Variants in ABI3BP observed in about 807,000 individuals in gnomAD.
ABI3BP encodes target of Nesh-SH3.
Under a neutral mutation model 268.6 loss-of-function variants are expected in ABI3BP, and 216 were observed. That is an observed-to-expected ratio of 0.80 (90% CI 0.72 to 0.90). The LOEUF (loss-of-function observed/expected upper bound fraction) is 0.90, where lower values mean the gene tolerates loss of function less well. Among genes scored for constraint, ABI3BP ranks in the 40% least tolerant of loss-of-function variants. ABI3BP has a pLI of 0.00. For missense variants in ABI3BP, 2,090 were observed against 2,182.4 expected (o/e 0.96, Z 0.84); for synonymous variants, 730 against 730.0 (o/e 1.00, Z 0.00).
chr3:100,919,577 G>A (rs2059639882), intron 2 of ABI3BP, among the ~76,000 whole-genome samples: 1 of 152,082 alleles, frequency 6.6e-6, no homozygotes, highest in Non-Finnish European at 1.5e-5. Flanking sequence ...AATCAACTTT[G>A]CTTTTAAATT....
At chr3:100,903,948 G>A (rs916518049) in intron 2 of ABI3BP, among the ~76,000 whole-genome samples, 6 of 152,142 alleles carry the variant, frequency 3.9e-5, no homozygotes, top group African/African-American at 1.2e-4. Flanking sequence ...TTCCAGTCTC[G>A]TGTGTTTGAA....
In ABI3BP at chr3:100,804,329, A is replaced by T. The variant is rs2097633539; in HGVS notation, c.3757+463T>A. On this transcript the variant is annotated intron_variant, in intron 51 of 67. Transcript: ENST00000471714. ...CTTAACCCAAGATATGTCTCCATCA[A>T]TTTGTAAAATAGAATAGTGACAGGG... is the stretch of plus-strand genomic sequence containing the variant. 1.3e-5 allele frequency among the ~76,000 whole-genome samples: 2 copies of T among 152,176 alleles called. 1 individual carries two copies. The highest frequency in any genetic ancestry group is 4.1e-4 in the South Asian group (2 of 4,824).
chr3:100,850,557 G>T, intron 16 of ABI3BP, 103 bp downstream of exon 16: 1 of 823,738 alleles, frequency 1.2e-6, no homozygotes, highest in South Asian at 1.6e-5. Context: ...ATAGATAAAT[G>T]ATTAGATGTG....
At chr3:100,866,457 G>T (rs2099051764) in intron 10 of ABI3BP, among the ~76,000 whole-genome samples, 1 of 152,134 alleles carries the variant, frequency 6.6e-6, no homozygotes, top group African/African-American at 2.4e-5. Context: ...GTTTCTAAAT[G>T]ATTCCAGGGT....
At chr3:100,874,148 C>T (rs910968189) in intron 9 of ABI3BP, among the ~76,000 whole-genome samples, 14 of 152,138 alleles carry the variant, frequency 9.2e-5, no homozygotes, top group African/African-American at 3.4e-4. Flanking sequence ...TTCTCAGGCC[C>T]CATACCGGAC....
intron 52 of ABI3BP, 24 bp downstream of exon 52, chr3:100,796,385 A>G: frequency 1.9e-6 from 3 of 1,547,904 alleles, no homozygotes; most frequent in Non-Finnish European, 1.7e-6. Context: ...CTTCTTAGCC[A>G]GAAGGATGAA....
intron 28 of ABI3BP, among the ~76,000 whole-genome samples, 178 bp downstream of exon 28, chr3:100,835,423 A>C (rs570079899): frequency 1.3e-5 from 2 of 152,230 alleles, no homozygotes; most frequent in Non-Finnish European, 2.9e-5. Context: ...GTATGGGCTT[A>C]TAACCAAGTA....
Position 100,993,396 on chromosome 3 carries a change from C to T in ABI3BP, c.-12G>A. ...AAACTGGAGAGCATGTTGCATTTGC[C>T]ACCTCGCATGGGGAATGATGCTGGT... On this transcript the variant is annotated 5_prime_UTR_variant, in exon 1 of 68. Transcript: ENST00000471714. 6.4e-7 allele frequency: 1 copy of T among 1,551,864 alleles called. No individual in the cohort carries two copies. Among genetic ancestry groups the T allele is most frequent in the East Asian group, 2.4e-5 (1 of 40,950 alleles).
chr3:100,778,653 C>A, intron 58 of ABI3BP: 1 of 328,194 alleles, frequency 3.0e-6, no homozygotes, highest in Non-Finnish European at 5.4e-6. Context: ...TCTGTGGGTT[C>A]CCCATCAGTT....
intron 1 of ABI3BP, among the ~76,000 whole-genome samples, chr3:100,940,786 CTATATATATATATA>C (rs1167503911): frequency 0.052 from 532 of 10,148 alleles, 74 homozygotes; most frequent in Non-Finnish European, 0.073. Flanking sequence ...AATTACTTCA[CTATATATATATATA>C]TATATATATA....
At chr3:100,828,263 A>G in intron 34 of ABI3BP, 130 bp downstream of exon 34, 1 of 741,022 alleles carries the variant, frequency 1.3e-6, no homozygotes, top group South Asian at 1.8e-5. Context: ...TCTTATGAGC[A>G]AGAGGCAACT....
chr3:100,837,123 C>T lies in ABI3BP; in HGVS notation c.2131+1G>A, dbSNP rs748164075. 6.5e-7 allele frequency: 1 copy of T among 1,533,544 alleles called. No individual in the cohort carries two copies. Among genetic ancestry groups the T allele is most frequent in the South Asian group, 1.2e-5 (1 of 83,624 alleles). 95.0% of individuals were successfully genotyped at this position (1,533,544 alleles called of 1,614,324 possible). On this transcript the variant is annotated splice_donor_variant, in intron 27 of 67. Coordinates refer to ENST00000471714, the MANE Select transcript of ABI3BP (RefSeq NM_001375547.2). LOFTEE classifies it high-confidence loss of function. ...GCCAAGAAGGAAGAAAGCATCATTACCTATGGTCATTGAGGGAGCTTCAGT... is the reference window on the plus strand; with the variant it reads ...GCCAAGAAGGAAGAAAGCATCATTATCTATGGTCATTGAGGGAGCTTCAGT...
At chr3:100,755,609 C>A (rs1284649943) in intron 63 of ABI3BP, among the ~76,000 whole-genome samples, 1 of 152,172 alleles carries the variant, frequency 6.6e-6, no homozygotes, top group Non-Finnish European at 1.5e-5. Flanking sequence ...TTGATTGTAT[C>A]CTTAAGAATT....
At chr3:100,956,244 C>T (rs1383320426) in intron 1 of ABI3BP, among the ~76,000 whole-genome samples, 1 of 147,254 alleles carries the variant, frequency 6.8e-6, no homozygotes, top group Non-Finnish European at 1.5e-5. Flanking sequence ...CACACACACA[C>T]ACACACACAC....
intron 1 of ABI3BP, among the ~76,000 whole-genome samples, chr3:100,959,996 TA>T (rs2078424545): frequency 6.6e-6 from 1 of 152,202 alleles, no homozygotes; most frequent in East Asian, 1.9e-4. Flanking sequence ...AGAAAAAAAT[TA>T]TAACACACTG....
chr3:100,792,745 C>T lies in ABI3BP; in HGVS notation c.3970G>A (p.Glu1324Lys), dbSNP rs771820708. The change falls in exon 55 of 68, where the codon GAA becomes AAA. Residue 1324 changes from glutamate to lysine, a missense_variant. Coordinates refer to ENST00000471714, the MANE Select transcript of ABI3BP (RefSeq NM_001375547.2). ...CGTGGAATCTTAGTTGTGAAAGGTT[C>T]TTGGGTGGATTGGTCTGTTTCTTCT... ...TLEETDQSTQEPFTTKIPRTT... is the reference protein window; with the variant it reads ...TLEETDQSTQKPFTTKIPRTT... 7.4e-6 allele frequency: 12 copies of T among 1,611,502 alleles called. No homozygotes were observed. The highest frequency in any genetic ancestry group is 1.0e-5 in the Non-Finnish European group (12 of 1,178,256).
intron 4 of ABI3BP, among the ~76,000 whole-genome samples, chr3:100,889,896 G>A (rs2043729428): frequency 6.6e-6 from 1 of 152,064 alleles, no homozygotes; most frequent in African/African-American, 2.4e-5. Context: ...CCTTGGGAGG[G>A]GGGCATCTCT....
At chr3:100,798,959 G>T (rs1302619166) in intron 51 of ABI3BP, among the ~76,000 whole-genome samples, 1 of 152,120 alleles carries the variant, frequency 6.6e-6, no homozygotes, top group Non-Finnish European at 1.5e-5. Flanking sequence ...GAGGCTACCT[G>T]CTGGCTTTCC....
At chr3:100,986,593 A>T (rs925279603) in intron 1 of ABI3BP, among the ~76,000 whole-genome samples, 3 of 151,990 alleles carry the variant, frequency 2.0e-5, no homozygotes, top group Non-Finnish European at 4.4e-5. Context: ...TAACCTTCTG[A>T]GTAGCTGGGA....
Sources: gnomAD v4.1 joint callset for allele counts (sites outside exome capture counted in the v4.1 genomes callset) on GRCh38, gnomAD v4.1.1 for gene constraint, MANE v1.5 for transcripts, NCBI Gene and HGNC (gene_info 2026-07-23, HGNC 2026-07-21) for gene names.